CCDC85C: variants seen among roughly 807,000 people sequenced by gnomAD.
The protein encoded by CCDC85C is coiled-coil domain-containing protein 85C.
CCDC85C carries 18 observed loss-of-function variants against 38.3 expected under a neutral mutation model. The observed-to-expected ratio is 0.47, with a 90% CI of 0.33 to 0.70. The LOEUF is 0.70. Among genes scored for constraint, CCDC85C ranks in the 30% least tolerant of loss-of-function variants. The probability of loss-of-function intolerance (pLI) is 0.03; values close to 1 mark genes in which losing one functional copy is unlikely to be tolerated. For missense variants in CCDC85C, 566 were observed against 621.2 expected (o/e 0.91, Z 0.94); for synonymous variants, 264 against 293.8 (o/e 0.90, Z 1.04).
Position 99,515,182 on chromosome 14 carries a change from T to C in CCDC85C, c.*64A>G. 8.2e-7 allele frequency: 1 copy of C among 1,222,476 alleles called. No homozygotes were observed. Among genetic ancestry groups the C allele is most frequent in the East Asian group, 2.5e-5 (1 of 39,238 alleles). The allele number at this position is 1,222,476 out of a possible 1,614,324, so 75.7% of individuals were successfully genotyped here. A position where few individuals can be genotyped will look rare whatever the true frequency, so the allele number is the denominator to read the frequency against. The stretch of plus-strand genomic sequence containing the variant: ...CTGGGCTGGAGGTCCTGCCCGTGTC[T>C]GGGGCCTGAAACTCCCCCTGGGGAC... On this transcript the variant is annotated 3_prime_UTR_variant, in exon 6 of 6. Transcript: ENST00000380243.
chr14:99,581,066 C>A (rs1314724534), intron 1 of CCDC85C, among the ~76,000 whole-genome samples: 1 of 152,108 alleles, frequency 6.6e-6, no homozygotes, highest in Non-Finnish European at 1.5e-5. Flanking sequence ...TGGAGGAGAC[C>A]ATCCTGGAGG....
At chr14:99,552,686 T>A (rs1040617227) in intron 1 of CCDC85C, among the ~76,000 whole-genome samples, 2 of 152,168 alleles carry the variant, frequency 1.3e-5, no homozygotes, top group African/African-American at 4.8e-5. Flanking sequence ...CCCCATCCTG[T>A]CACCACTTCA....
At chr14:99,573,053 A>T (rs1898389394) in intron 1 of CCDC85C, 1 of 329,374 alleles carries the variant, frequency 3.0e-6, no homozygotes, top group African/African-American at 2.2e-5. Flanking sequence ...TGGTGCTAAA[A>T]ATGAGAGGGG....
At chr14:99,541,566 T>C (rs1595352705) in intron 1 of CCDC85C, among the ~76,000 whole-genome samples, 1 of 152,128 alleles carries the variant, frequency 6.6e-6, no homozygotes, top group African/African-American at 2.4e-5. Flanking sequence ...AAGAAGCCAA[T>C]GGAAGGGGTG....
In CCDC85C at chr14:99,501,347, C is replaced by T; in HGVS notation, c.*13899G>A. 6.3e-7 allele frequency: 1 copy of T among 1,585,382 alleles called. No homozygotes were observed. Among genetic ancestry groups the T allele is most frequent in the Non-Finnish European group, 8.7e-7 (1 of 1,155,942 alleles). On this transcript the variant is annotated 3_prime_UTR_variant, in exon 6 of 6. Transcript: ENST00000380243. ...TGCTATTAATTTACCTTTTTGTCCC[C>T]ATTTCTAGGTGATAAAAACAAAATT...
In CCDC85C at chr14:99,502,233, G is replaced by T; in HGVS notation, c.*13013C>A. The T allele has an allele frequency of 6.2e-7, 1 of 1,600,014 alleles. No individual in the cohort carries two copies. The highest frequency in any genetic ancestry group is 2.2e-5 in the East Asian group (1 of 44,496). The stretch of plus-strand genomic sequence containing the variant: ...CTCTGCACCACCTTGTCACTGCAGT[G>T]GGAACCAGAGATCATAGCAGTAGCA... On this transcript the variant is annotated 3_prime_UTR_variant, in exon 6 of 6. Coordinates refer to ENST00000380243, the MANE Select transcript of CCDC85C (RefSeq NM_001144995.2).
rs940360131 is a variant in CCDC85C, at chr14:99,514,047, C to T, written c.*1199G>A. On this transcript the variant is annotated 3_prime_UTR_variant, in exon 6 of 6. Transcript: ENST00000380243. ...CAGAGTGGGGAGGCAACTCTCCACC[C>T]GCAGCGACTGCAAGGCAGCAGAACT... 2 of 152,320 alleles carry T rather than the reference C, an allele frequency of 1.3e-5. No individual in the cohort carries two copies. The highest frequency in any genetic ancestry group is 1.9e-4 in the East Asian group (1 of 5,196). 9.4% of individuals were successfully genotyped at this position (152,320 alleles called of 1,614,324 possible). A position where few individuals can be genotyped will look rare whatever the true frequency, so the allele number is the denominator to read the frequency against.
intron 3 of CCDC85C, among the ~76,000 whole-genome samples, chr14:99,519,040 ACT>A (rs1897268365): frequency 7.2e-6 from 1 of 139,422 alleles, no homozygotes; most frequent in South Asian, 2.3e-4. Flanking sequence ...AGATGGGCCC[ACT>A]GAGTCCTTGC....
chr14:99,600,908 A>G (rs187277112), intron 1 of CCDC85C, among the ~76,000 whole-genome samples: 43 of 152,286 alleles, frequency 2.8e-4, no homozygotes, highest in Non-Finnish European at 5.6e-4. Flanking sequence ...GGCTCTAATC[A>G]CAGCTACTTG....
intron 1 of CCDC85C, among the ~76,000 whole-genome samples, chr14:99,578,683 G>A (rs2054930333): frequency 6.6e-6 from 1 of 152,176 alleles, no homozygotes; most frequent in Non-Finnish European, 1.5e-5. Context: ...ACCTTTAGTT[G>A]AATGCTCACA....
intron 2 of CCDC85C, among the ~76,000 whole-genome samples, chr14:99,530,233 G>T (rs1032917175): frequency 3.9e-5 from 6 of 152,208 alleles, no homozygotes; most frequent in Admixed American, 6.5e-5. Context: ...TGGCTGGAAG[G>T]CTGGAAAGAG....
intron 1 of CCDC85C, among the ~76,000 whole-genome samples, chr14:99,600,329 G>A (rs1189490147): frequency 6.6e-6 from 1 of 152,228 alleles, no homozygotes; most frequent in East Asian, 1.9e-4. Context: ...GGCTTGGCCA[G>A]TTAATAACTT....
chr14:99,597,806 C>T (rs2055158754), intron 1 of CCDC85C, among the ~76,000 whole-genome samples: 2 of 152,050 alleles, frequency 1.3e-5, no homozygotes, highest in African/African-American at 4.8e-5. Context: ...CTGCCTCCGA[C>T]CCTACACTGG....
At chr14:99,579,950 T>C (rs113574307) in intron 1 of CCDC85C, 28,946 of 411,574 alleles carry the variant, frequency 0.07, 1,838 homozygotes, top group African/African-American at 0.19. Context: ...ACTTTGGGAG[T>C]CTTGGCCAGG....
chr14:99,521,637 T>A (rs1362216526), intron 3 of CCDC85C, among the ~76,000 whole-genome samples: 1 of 152,186 alleles, frequency 6.6e-6, no homozygotes, highest in Non-Finnish European at 1.5e-5. Context: ...GGCTCCCCAC[T>A]GCCATCATAT....
At chr14:99,527,967 C>T (rs1012198010) in intron 2 of CCDC85C, among the ~76,000 whole-genome samples, 1 of 152,196 alleles carries the variant, frequency 6.6e-6, no homozygotes, top group South Asian at 2.1e-4. Context: ...GGGGCGGTCG[C>T]TGCATCACTG....
At position 99,535,073 on chromosome 14, in the gene CCDC85C, A is replaced by G; in HGVS notation, c.867+942T>C. ...AGCTGTGCTCCCTGCTGGGGCCGTG[A>G]GCCTCCCAGCAGCCGCCCAGTGGGC... On this transcript the variant is annotated intron_variant, in intron 2 of 5. Transcript: ENST00000380243. The surrounding 1 kb of genome is among the most constrained non-coding windows in gnomAD (Gnocchi z 5.5). 4.6e-6 allele frequency: 1 copy of G among 216,268 alleles called. No homozygotes were observed. The highest frequency in any genetic ancestry group is 9.2e-6 in the Non-Finnish European group (1 of 108,558). The allele number at this position is 216,268 out of a possible 1,614,324, so 13.4% of individuals were successfully genotyped here.
At position 99,547,805 on chromosome 14, in the gene CCDC85C, C is replaced by T. The variant is rs531583997; in HGVS notation, c.794-11717G>A. On this transcript the variant is annotated intron_variant, in intron 1 of 5. Coordinates refer to ENST00000380243, the MANE Select transcript of CCDC85C (RefSeq NM_001144995.2). ...AAAAAAAAAGAAAACCACAGGATTG[C>T]ATACTTTCATATATATTTATGGGTA... 7.6e-4 allele frequency among the ~76,000 whole-genome samples: 116 copies of T among 151,678 alleles called. 1 individual carries two copies. The highest frequency in any genetic ancestry group is 2.8e-3 in the African/African-American group (115 of 41,316).
chr14:99,554,205 T>A (rs1289687912), intron 1 of CCDC85C, among the ~76,000 whole-genome samples: 2 of 152,052 alleles, frequency 1.3e-5, no homozygotes, highest in Non-Finnish European at 2.9e-5. Flanking sequence ...ACTGTGGCCA[T>A]CCCAGCACAC....
Sources: gnomAD v4.1 joint callset for allele counts (sites outside exome capture counted in the v4.1 genomes callset) on GRCh38, gnomAD v4.1.1 for gene constraint, Gnocchi (gnomAD v3.1) non-coding constraint, MANE v1.5 for transcripts, NCBI Gene and HGNC (gene_info 2026-07-23, HGNC 2026-07-21) for gene names.